CADPS2: variants seen among roughly 807,000 people sequenced by gnomAD.
The protein encoded by CADPS2 is calcium-dependent secretion activator 2.
A neutral mutation model predicts 172.5 loss-of-function variants in CADPS2; 93 were observed. The ratio of observed to expected loss-of-function variants is 0.54; its 90% CI spans 0.46 to 0.64. The LOEUF is 0.64. Ranked by LOEUF, CADPS2 falls within the 30% of genes least tolerant of loss-of-function variation. CADPS2 has a pLI of 0.00. For synonymous variants in CADPS2, 546 were observed against 555.2 expected (o/e 0.98, Z 0.23); for missense variants, 1,420 against 1,565.9 (o/e 0.91, Z 1.57).
At chr7:122,571,370 A>G (rs1460117634) in intron 7 of CADPS2, among the ~76,000 whole-genome samples, 1 of 152,182 alleles carries the variant, frequency 6.6e-6, no homozygotes, top group African/African-American at 2.4e-5. Flanking sequence ...GAAAACCTCT[A>G]TTATTCTGAG....
At chr7:122,699,485 A>T (rs1021916972) in intron 2 of CADPS2, among the ~76,000 whole-genome samples, 1 of 152,222 alleles carries the variant, frequency 6.6e-6, no homozygotes, top group Admixed American at 6.5e-5. Context: ...ACCGGATGTG[A>T]GGCAAAAGTG....
chr7:122,331,369 G>A (rs1415291411), intron 28 of CADPS2, among the ~76,000 whole-genome samples: 1 of 152,090 alleles, frequency 6.6e-6, no homozygotes, highest in African/African-American at 2.4e-5. Context: ...ATTTCATTTA[G>A]GCCAGTGCCT....
intron 1 of CADPS2, among the ~76,000 whole-genome samples, chr7:122,831,523 G>A (rs1327300332): frequency 6.6e-6 from 1 of 152,172 alleles, no homozygotes; most frequent in Non-Finnish European, 1.5e-5. Flanking sequence ...ATCCCCAAAT[G>A]GGGAAGTACT....
chr7:122,647,129 G>A (rs575884891), intron 3 of CADPS2, among the ~76,000 whole-genome samples: 6 of 152,220 alleles, frequency 3.9e-5, no homozygotes, highest in East Asian at 3.9e-4. Flanking sequence ...AGTGCGAAAC[G>A]AGGAATTGAT....
At chr7:122,516,913 T>C (rs1168327849) in intron 8 of CADPS2, among the ~76,000 whole-genome samples, 2 of 151,722 alleles carry the variant, frequency 1.3e-5, no homozygotes, top group African/African-American at 2.4e-5. Flanking sequence ...TTTATTGGTA[T>C]AGTTTACATA....
intron 1 of CADPS2, among the ~76,000 whole-genome samples, chr7:122,865,855 T>C (rs978358340): frequency 5.3e-5 from 8 of 152,160 alleles, no homozygotes; most frequent in African/African-American, 1.7e-4. Flanking sequence ...ATATTCCAAG[T>C]GGAAGAAAGG....
intron 29 of CADPS2, among the ~76,000 whole-genome samples, chr7:122,323,867 T>C (rs1028551037): frequency 9.4e-6 from 1 of 106,816 alleles, no homozygotes; most frequent in Non-Finnish European, 2.0e-5. Flanking sequence ...TATACATATG[T>C]ATATTTTATA....
chr7:122,642,318 A>G (rs1233292821), intron 3 of CADPS2, among the ~76,000 whole-genome samples: 1 of 151,372 alleles, frequency 6.6e-6, no homozygotes, highest in East Asian at 1.9e-4. Flanking sequence ...GACCTAATGT[A>G]ACAGTCTATT....
At chr7:122,474,236 C>T in intron 13 of CADPS2, 145 bp downstream of exon 13, 2 of 845,226 alleles carry the variant, frequency 2.4e-6, no homozygotes, top group Non-Finnish European at 3.6e-6. Flanking sequence ...ATCCCTCACT[C>T]CCACTACCCT....
At chr7:122,334,489 T>G (rs2035535238) in intron 28 of CADPS2, among the ~76,000 whole-genome samples, 1 of 152,188 alleles carries the variant, frequency 6.6e-6, no homozygotes. Flanking sequence ...GCTGTGGAAA[T>G]AGTGAGTTCT....
chr7:122,778,700 T>C (rs1320254053), intron 1 of CADPS2, among the ~76,000 whole-genome samples: 1 of 152,236 alleles, frequency 6.6e-6, no homozygotes, highest in Non-Finnish European at 1.5e-5. Context: ...CCCCAAGCCT[T>C]GGCAGCTTCT....
chr7:122,774,389 T>C (rs541546534), intron 1 of CADPS2, among the ~76,000 whole-genome samples: 18 of 152,198 alleles, frequency 1.2e-4, no homozygotes, highest in African/African-American at 4.1e-4. Context: ...CTGTATTTTT[T>C]TCTTTTCTAT....
In CADPS2 at chr7:122,358,343, G is replaced by C. The variant is rs573787041; in HGVS notation, c.3504+2445C>G. 4.6e-5 allele frequency among the ~76,000 whole-genome samples: 7 copies of C among 152,038 alleles called. No homozygotes were observed. The South Asian group carries it at 1.2e-3, about 27-fold the overall frequency. ...TGTTTTCATATTGTTGAATATTAAG[G>C]GTTCTTAGAACACTTTGGATACAAG... On this transcript the variant is annotated intron_variant, in intron 27 of 29. Transcript: ENST00000449022.
chr7:122,844,092 C>G (rs1419028542), intron 1 of CADPS2, among the ~76,000 whole-genome samples: 1 of 152,234 alleles, frequency 6.6e-6, no homozygotes, highest in Admixed American at 6.5e-5. Context: ...CACAGTGAGT[C>G]TGTAGCCTTC....
In CADPS2 at chr7:122,854,390, G is replaced by A. The variant is rs563240858; in HGVS notation, c.339+31609C>T. On this transcript the variant is annotated intron_variant, in intron 1 of 29. Coordinates refer to ENST00000449022, the MANE Select transcript of CADPS2 (RefSeq NM_017954.11). ...TGTCTCAGAAAAAAAAGAAATGAAG[G>A]TCTTGCGTTCACTGCCTTCTACTCA... Among the ~76,000 whole-genome samples, 6 of 152,044 alleles carry A rather than the reference G, an allele frequency of 3.9e-5. No individual in the cohort carries two copies. In the East Asian group the frequency reaches 9.7e-4, roughly 25 times the overall value.
chr7:122,674,736 C>T (rs1276191048), intron 2 of CADPS2, among the ~76,000 whole-genome samples: 1 of 152,134 alleles, frequency 6.6e-6, no homozygotes, highest in Non-Finnish European at 1.5e-5. Context: ...TATCTGCTTG[C>T]CAAATCATTG....
chr7:122,340,959 T>C (rs2036688830), intron 28 of CADPS2, among the ~76,000 whole-genome samples: 1 of 152,140 alleles, frequency 6.6e-6, no homozygotes, highest in African/African-American at 2.4e-5. Flanking sequence ...GGATAACTTC[T>C]TTCAGTTTTT....
chr7:122,679,153 G>A (rs1365292518), intron 2 of CADPS2, among the ~76,000 whole-genome samples: 3 of 151,456 alleles, frequency 2.0e-5, no homozygotes, highest in Non-Finnish European at 4.4e-5. Flanking sequence ...GGGCCGGGCA[G>A]GACAGAGCCA....
At chr7:122,669,194 A>G (rs1342362082) in intron 2 of CADPS2, among the ~76,000 whole-genome samples, 1 of 152,044 alleles carries the variant, frequency 6.6e-6, no homozygotes, top group African/African-American at 2.4e-5. Context: ...AGCCGGGTGT[A>G]GTGGCACATG....
Sources: allele counts gnomAD v4.1 joint callset (sites outside exome capture counted in the v4.1 genomes callset), GRCh38; gene constraint gnomAD v4.1.1; transcripts MANE v1.5; gene names NCBI Gene and HGNC (gene_info 2026-07-23, HGNC 2026-07-21).